Variants in CDC42SE2 observed in about 807,000 individuals in gnomAD.
CDC42SE2 encodes CDC42 small effector 2, also known as CDC42 small effector protein 2.
A neutral mutation model predicts 11.5 loss-of-function variants in CDC42SE2; 3 were observed. The ratio of observed to expected loss-of-function variants is 0.26; its 90% CI spans 0.12 to 0.67. The LOEUF (loss-of-function observed/expected upper bound fraction) is 0.67. Among genes scored for constraint, CDC42SE2 ranks in the 30% least tolerant of loss-of-function variants. The probability of loss-of-function intolerance (pLI) is 0.80; values close to 1 mark genes in which losing one functional copy is unlikely to be tolerated. For synonymous variants in CDC42SE2, 33 were observed against 34.8 expected (o/e 0.95, Z 0.18); for missense variants, 82 against 106.8 (o/e 0.77, Z 1.02).
intron 3 of CDC42SE2, among the ~76,000 whole-genome samples, chr5:131,379,176 C>T (rs548404682): frequency 1.3e-5 from 2 of 152,296 alleles, no homozygotes; most frequent in Admixed American, 1.3e-4. Context: ...CTATTTTATA[C>T]CCTGAAAGTT....
intron 1 of CDC42SE2, among the ~76,000 whole-genome samples, chr5:131,277,088 A>C (rs1248658127): frequency 6.6e-6 from 1 of 152,176 alleles, no homozygotes; most frequent in African/African-American, 2.4e-5. Context: ...TAAAATCATC[A>C]TGTTGGATGA....
chr5:131,231,993 T>C, the CDC42SE2 span, among the ~76,000 whole-genome samples: 1 of 152,178 alleles, frequency 6.6e-6, no homozygotes, highest in African/African-American at 2.4e-5. Context: ...TTTCACCACG[T>C]TGGCCAGGCT....
intron 2 of CDC42SE2, among the ~76,000 whole-genome samples, chr5:131,321,575 A>G (rs1002497688): frequency 2.6e-5 from 4 of 152,246 alleles, no homozygotes; most frequent in African/African-American, 9.6e-5. Flanking sequence ...CTACATAAAA[A>G]TATTTCAAAA....
At chr5:131,239,205 T>C in the CDC42SE2 span, among the ~76,000 whole-genome samples, 1 of 151,302 alleles carries the variant, frequency 6.6e-6, no homozygotes, top group Non-Finnish European at 1.5e-5. Context: ...GAAATATATA[T>C]ATATTAAAAA....
At chr5:131,331,570 T>G (rs1487224797) in intron 2 of CDC42SE2, among the ~76,000 whole-genome samples, 1 of 152,176 alleles carries the variant, frequency 6.6e-6, no homozygotes, top group East Asian at 1.9e-4. Context: ...ATGATTAACA[T>G]TCAATTTTTT....
intron 2 of CDC42SE2, among the ~76,000 whole-genome samples, chr5:131,328,620 A>G (rs1758345688): frequency 1.3e-5 from 2 of 152,106 alleles, no homozygotes; most frequent in Admixed American, 1.3e-4. Context: ...CTTTCTAGGG[A>G]CACATTCTTG....
chr5:131,248,925 C>G (rs985165661), intron 1 of CDC42SE2, among the ~76,000 whole-genome samples: 1 of 151,844 alleles, frequency 6.6e-6, no homozygotes, highest in Admixed American at 6.6e-5. Flanking sequence ...AATTAAAATT[C>G]CTACAAGAGC....
At chr5:131,214,315 G>C in the CDC42SE2 span, among the ~76,000 whole-genome samples, 1 of 152,076 alleles carries the variant, frequency 6.6e-6, no homozygotes, top group Non-Finnish European at 1.5e-5. Context: ...AGTGAGCTGT[G>C]ATCACATCTG....
chr5:131,353,131 A>C (rs79578803), intron 2 of CDC42SE2, among the ~76,000 whole-genome samples: 5,235 of 151,948 alleles, frequency 0.034, 309 homozygotes, highest in African/African-American at 0.12. Context: ...ACACCCAGCT[A>C]ATTTTTAAAA....
intron 1 of CDC42SE2, among the ~76,000 whole-genome samples, chr5:131,291,183 ATGTT>A (rs1561573983): frequency 1.3e-5 from 2 of 152,142 alleles, no homozygotes; most frequent in Non-Finnish European, 2.9e-5. Flanking sequence ...CACTTATAAA[ATGTT>A]TATATAATGA....
chr5:131,253,961 A>G (rs1756660419), intron 1 of CDC42SE2, among the ~76,000 whole-genome samples: 1 of 152,176 alleles, frequency 6.6e-6, no homozygotes, highest in Admixed American at 6.5e-5. Context: ...AGTCCACTTT[A>G]GGAGAAACAC....
chr5:131,327,786 G>T (rs1211125944), intron 2 of CDC42SE2, among the ~76,000 whole-genome samples: 2 of 152,090 alleles, frequency 1.3e-5, no homozygotes, highest in African/African-American at 4.8e-5. Flanking sequence ...TTAAATTATG[G>T]GTTAGTGCCT....
intron 1 of CDC42SE2, among the ~76,000 whole-genome samples, chr5:131,275,346 G>C (rs1324387109): frequency 6.6e-6 from 1 of 150,734 alleles, no homozygotes; most frequent in Non-Finnish European, 1.5e-5. Context: ...GCCCAGGCTA[G>C]AGTGCGGTGG....
At chr5:131,301,115 T>C (rs1485342307) in intron 1 of CDC42SE2, among the ~76,000 whole-genome samples, 1 of 152,176 alleles carries the variant, frequency 6.6e-6, no homozygotes. Flanking sequence ...AACTCTTAAA[T>C]ACTGTATTGT....
intron 2 of CDC42SE2, among the ~76,000 whole-genome samples, chr5:131,258,227 GT>G (rs367990433): frequency 7.4e-5 from 11 of 149,500 alleles, no homozygotes; most frequent in East Asian, 2.0e-4. Flanking sequence ...TCTCTTTATT[GT>G]TTTTTTTTCT....
the CDC42SE2 span, among the ~76,000 whole-genome samples, chr5:131,239,149 G>A: frequency 6.6e-6 from 1 of 150,836 alleles, no homozygotes; most frequent in African/African-American, 2.5e-5. Flanking sequence ...GACAGAGACA[G>A]ACTCTGTCTC....
chr5:131,305,691 C>A (rs1009394388), intron 1 of CDC42SE2, among the ~76,000 whole-genome samples: 3 of 152,150 alleles, frequency 2.0e-5, no homozygotes, highest in African/African-American at 7.2e-5. Context: ...TATTTTCTCT[C>A]AATCTGTGGA....
intron 2 of CDC42SE2, among the ~76,000 whole-genome samples, chr5:131,347,690 C>G (rs1561593808): frequency 2.0e-5 from 3 of 151,984 alleles, no homozygotes; most frequent in Non-Finnish European, 2.9e-5. Context: ...GGCAGAGACA[C>G]AACAAAAAAA....
chr5:131,319,643 T>C lies in CDC42SE2; in HGVS notation c.-286+3499T>C, dbSNP rs139786780. Among the ~76,000 whole-genome samples the C allele has an allele frequency of 6.3e-4, 96 of 152,338 alleles. No individual in the cohort carries two copies. In the East Asian group the frequency reaches 8.9e-3, roughly 14 times the overall value. On this transcript the variant is annotated intron_variant, in intron 2 of 4. Transcript: ENST00000505065. ...ATTCAGTATCTGAAAAATATTGTTC[T>C]CTTCCAGTCTGTAACATCCCGATAA...
Sources: allele counts gnomAD v4.1 joint callset (sites outside exome capture counted in the v4.1 genomes callset), GRCh38; gene constraint gnomAD v4.1.1; transcripts MANE v1.5; gene names NCBI Gene and HGNC (gene_info 2026-07-23, HGNC 2026-07-21).